The following PPP2R5B variants were observed in gnomAD, a reference collection of about 807,000 sequenced individuals.
PPP2R5B encodes protein phosphatase 2 regulatory subunit B'beta, also known as serine/threonine-protein phosphatase 2A 56 kDa regulatory subunit beta isoform.
PPP2R5B carries 19 observed loss-of-function variants against 59.9 expected under a neutral mutation model. The observed-to-expected ratio is 0.32, with a 90% CI of 0.22 to 0.47. The LOEUF (loss-of-function observed/expected upper bound fraction) is 0.47, where lower values mean the gene tolerates loss of function less well. Ranked by LOEUF, PPP2R5B falls within the 20% of genes least tolerant of loss-of-function variation. The pLI, the probability that PPP2R5B is intolerant of heterozygous loss-of-function variation, is 1.00. For missense variants in PPP2R5B, 441 were observed against 640.2 expected (o/e 0.69, Z 3.36); for synonymous variants, 286 against 260.5 (o/e 1.10, Z -0.94).
chr11:64,933,017 G>T, intron 12 of PPP2R5B, 125 bp downstream of exon 12: 1 of 1,513,864 alleles, frequency 6.6e-7, no homozygotes, highest in Non-Finnish European at 9.1e-7. Flanking sequence ...GCCCAGGGGT[G>T]GTGAAAAGGA....
chr11:64,933,269 G>A (rs756592350), intron 13 of PPP2R5B, 23 bp downstream of exon 13: 3 of 1,567,562 alleles, frequency 1.9e-6, no homozygotes, highest in African/African-American at 1.4e-5. Flanking sequence ...GGCTGGGCGT[G>A]GGGGAAGGGA....
At position 64,928,417 on chromosome 11, in the gene PPP2R5B, C is replaced by A; in HGVS notation, c.714C>A (p.Ile238=). The A allele has an allele frequency of 6.2e-7, 1 of 1,614,176 alleles. No individual in the cohort carries two copies. The highest frequency in any genetic ancestry group is 8.5e-7 in the Non-Finnish European group (1 of 1,179,994). The change falls in exon 6 of 14, where the codon ATC becomes ATA. Residue 238 remains isoleucine, a synonymous_variant. Transcript: ENST00000164133. ...ACATCCGCAAACAGTGCAACCACAT[C>A]TTCCTCCGGTGAGTGGCTGCTGCCT... is the stretch of plus-strand genomic sequence containing the variant. ...RAYIRKQCNH[I]FLRFIYEFEH...
At chr11:64,932,573 G>A (rs1031328886) in intron 11 of PPP2R5B, among the ~76,000 whole-genome samples, 192 bp from the exon 12 acceptor site, 3 of 152,160 alleles carry the variant, frequency 2.0e-5, no homozygotes, top group East Asian at 1.9e-4. Context: ...GATTCACCCC[G>A]CAGCATTGGA....
upstream of PPP2R5B, among the ~76,000 whole-genome samples, chr11:64,924,017 C>T (rs1945132662): frequency 6.6e-6 from 1 of 152,154 alleles, no homozygotes; most frequent in Non-Finnish European, 1.5e-5. Context: ...AAGGTCCATC[C>T]GGGAAGGCCA....
At chr11:64,930,423 A>G in intron 7 of PPP2R5B, 42 bp downstream of exon 7, 1 of 1,613,662 alleles carries the variant, frequency 6.2e-7, no homozygotes, top group Non-Finnish European at 8.5e-7. Context: ...GGATTCTGGA[A>G]GGAGGGACTG....
At chr11:64,933,342 G>C (rs1945249565) in intron 13 of PPP2R5B, 96 bp downstream of exon 13, 1 of 1,058,734 alleles carries the variant, frequency 9.4e-7, no homozygotes, top group Non-Finnish European at 1.4e-6. Context: ...CCCAAACTCT[G>C]TCTGATCAGA....
chr11:64,928,974 A>G (rs1230325136), intron 6 of PPP2R5B, among the ~76,000 whole-genome samples: 2 of 152,092 alleles, frequency 1.3e-5, no homozygotes, highest in East Asian at 3.9e-4. Context: ...TCAAAAAAAA[A>G]AAGAAAAGAA....
chr11:64,928,299 T>A lies in PPP2R5B; in HGVS notation c.596T>A (p.Leu199Gln). The change falls in exon 6 of 14, where the codon CTG becomes CAG. Residue 199 changes from leucine (L) to glutamine (Q), a missense_variant. Transcript: ENST00000164133. ...YVDQKFVLMLLELFDSEDPRE... is the reference protein window; with the variant it reads ...YVDQKFVLMLQELFDSEDPRE... ...CCCTGACTCTGGTTCCCACAGCTCCTGGAGCTATTTGATAGTGAGGATCCC... is the reference window on the plus strand; with the variant it reads ...CCCTGACTCTGGTTCCCACAGCTCCAGGAGCTATTTGATAGTGAGGATCCC... 1 of 1,613,824 alleles carries A rather than the reference T, an allele frequency of 6.2e-7. No individual in the cohort carries two copies. The highest frequency in any genetic ancestry group is 8.5e-7 in the Non-Finnish European group (1 of 1,179,834).
intron 2 of PPP2R5B, 93 bp from the exon 3 acceptor site, chr11:64,926,619 G>A (rs1455068491): frequency 4.3e-6 from 6 of 1,385,444 alleles, no homozygotes; most frequent in Non-Finnish European, 6.0e-6. Context: ...GGGCAGCAGA[G>A]GCAGCCGTGG....
chr11:64,933,821 G>A lies in PPP2R5B; in HGVS notation c.1471G>A (p.Ala491Thr). ...CCTCCAGCGGCTTACACCCCAGGTG[G>A]CCGCCAGTGGGGGTCAGAGCTAGAC... ...APLQRLTPQV[A>T]ASGGQS is the part of the protein sequence containing the mutation. The change falls in exon 14 of 14, where the codon GCC (alanine) becomes ACC (threonine). Residue 491 changes from alanine (A) to threonine (T), a missense_variant. Physicochemically the swap from Ala to Thr is moderately conservative, Grantham distance 58. Coordinates refer to ENST00000164133, the MANE Select transcript of PPP2R5B (RefSeq NM_006244.4). The A allele has an allele frequency of 6.5e-7, 1 of 1,548,104 alleles. No homozygotes were observed. Among genetic ancestry groups the A allele is most frequent in the Non-Finnish European group, 8.7e-7 (1 of 1,146,404 alleles).
intron 1 of PPP2R5B, among the ~76,000 whole-genome samples, chr11:64,918,570 A>C (rs1401908011): frequency 6.6e-6 from 1 of 152,136 alleles, no homozygotes; most frequent in Non-Finnish European, 1.5e-5. Context: ...ACCTTAGGTG[A>C]TCAGCCTGCC....
chr11:64,931,547 C>CATCTCCCACAGGTG lies in PPP2R5B; in HGVS notation c.946-8_951dup. 6.2e-7 allele frequency: 1 copy of CATCTCCCACAGGTG among 1,614,124 alleles called. No homozygotes were observed. Among genetic ancestry groups the CATCTCCCACAGGTG allele is most frequent in the Non-Finnish European group, 8.5e-7 (1 of 1,180,002 alleles). On this transcript the variant is annotated splice_polypyrimidine_tract_variant and intron_variant, in intron 9 of 13. Coordinates refer to ENST00000164133, the MANE Select transcript of PPP2R5B (RefSeq NM_006244.4). This position sits in a 1 kb window ranked among gnomAD's most constrained non-coding sequence, Gnocchi z 5.0. ...ACCTCTGCAGGCGTGACTCCTGTCTCATCTCCCACAGGTGATCCGGGGGCT... is the reference window on the plus strand; with the variant it reads ...ACCTCTGCAGGCGTGACTCCTGTCTCATCTCCCACAGGTGATCTCCCACAGGTGATCCGGGGGCT...
chr11:64,925,717 C>G lies in PPP2R5B; in HGVS notation c.-18C>G. On this transcript the variant is annotated 5_prime_UTR_variant, in exon 2 of 14. Coordinates refer to ENST00000164133, the MANE Select transcript of PPP2R5B (RefSeq NM_006244.4). This position sits in a 1 kb window ranked among gnomAD's most constrained non-coding sequence, Gnocchi z 4.6. Reference sequence around the variant, plus strand: ...GAACCCCCGGGGCTCTGAAAGCTTGCCCTGCCGCCTGACCGCCATGGAGAC... The same window carrying G: ...GAACCCCCGGGGCTCTGAAAGCTTGGCCTGCCGCCTGACCGCCATGGAGAC... The G allele has an allele frequency of 6.5e-7, 1 of 1,548,910 alleles. No homozygotes were observed. The highest frequency in any genetic ancestry group is 8.8e-7 in the Non-Finnish European group (1 of 1,134,956).
In PPP2R5B at chr11:64,933,936, C is replaced by T; in HGVS notation, c.*92C>T. ...GGGGCCCAGAGAGAAACACACCTAC[C>T]CCTGGCCTTGCCAGAGTGGCTTCTG... On this transcript the variant is annotated 3_prime_UTR_variant, in exon 14 of 14. Transcript: ENST00000164133. 2.2e-6 allele frequency: 3 copies of T among 1,378,976 alleles called. No individual in the cohort carries two copies. Among genetic ancestry groups the T allele is most frequent in the Non-Finnish European group, 2.8e-6 (3 of 1,054,512 alleles). The allele number at this position is 1,378,976 out of a possible 1,614,324, so 85.4% of individuals were successfully genotyped here.
upstream of PPP2R5B, among the ~76,000 whole-genome samples, chr11:64,920,396 CAGA>C (rs1328577952): frequency 2.0e-5 from 3 of 152,126 alleles, no homozygotes; most frequent in South Asian, 2.1e-4. Context: ...TGTACCACAG[CAGA>C]AGATTAGACA....
In PPP2R5B at chr11:64,933,830, G is replaced by T; in HGVS notation, c.1480G>T (p.Gly494Trp). 3 of 1,547,312 alleles carry T rather than the reference G, an allele frequency of 1.9e-6. No individual in the cohort carries two copies. The highest frequency in any genetic ancestry group is 2.6e-6 in the Non-Finnish European group (3 of 1,145,902). ...GCTTACACCCCAGGTGGCCGCCAGT[G>T]GGGGTCAGAGCTAGACAGCACCTCA... Reference protein sequence around the residue: ...QRLTPQVAASGGQS With the variant: ...QRLTPQVAASWGQS The change falls in exon 14 of 14, where the codon GGG becomes TGG. Residue 494 changes from glycine to tryptophan, a missense_variant. By Grantham distance (184) the Gly-to-Trp change is radical (BLOSUM62 -2). Around this residue, in one of 3 missense-constraint regions of PPP2R5B, gnomAD observed 70 missense variants for 64.2 expected, o/e 1.09. Coordinates refer to ENST00000164133, the MANE Select transcript of PPP2R5B (RefSeq NM_006244.4).
At chr11:64,921,882 C>T (rs1945112722), upstream of PPP2R5B, among the ~76,000 whole-genome samples, 3 of 152,166 alleles carry the variant, frequency 2.0e-5, no homozygotes, top group Admixed American at 6.5e-5. Flanking sequence ...GAACATACAT[C>T]TTTCGTTGCA....
At position 64,933,777 on chromosome 11, in the gene PPP2R5B, A is replaced by C; in HGVS notation, c.1427A>C (p.Gln476Pro). The change falls in exon 14 of 14, where the codon CAG (glutamine) becomes CCG (proline). Residue 476 changes from glutamine to proline, a missense_variant. By Grantham distance (76) the Gln-to-Pro change is moderately conservative (BLOSUM62 -1). Transcript: ENST00000164133. The stretch of plus-strand genomic sequence containing the variant: ...CGGCTACGCCGGCTACAGGGGACCC[A>C]GGGGGCCAAGGAGGCCCCCCTCCAG... ...ELRLRRLQGT[Q>P]GAKEAPLQRL... 6.4e-7 allele frequency: 1 copy of C among 1,554,316 alleles called. No individual in the cohort carries two copies. The highest frequency in any genetic ancestry group is 1.2e-5 in the South Asian group (1 of 84,266).
chr11:64,931,515 G>T lies in PPP2R5B; in HGVS notation c.945+26G>T, dbSNP rs1325087064. 1.2e-6 allele frequency: 2 copies of T among 1,614,050 alleles called. No homozygotes were observed. The highest frequency in any genetic ancestry group is 1.7e-6 in the Non-Finnish European group (2 of 1,179,984). ...GTGAGTACCTCTGGGGGCTAAGGCAGCCTCTCACCTCTGCAGGCGTGACTC... is the reference window on the plus strand; with the variant it reads ...GTGAGTACCTCTGGGGGCTAAGGCATCCTCTCACCTCTGCAGGCGTGACTC... On this transcript the variant is annotated intron_variant, in intron 9 of 13. Transcript: ENST00000164133. The surrounding 1 kb of genome is among the most constrained non-coding windows in gnomAD (Gnocchi z 5.0).
Sources: gnomAD v4.1 joint callset for allele counts (sites outside exome capture counted in the v4.1 genomes callset) on GRCh38, gnomAD v4.1.1 for gene constraint, gnomAD v4.1.1 regional missense constraint, Gnocchi (gnomAD v3.1) non-coding constraint, MANE v1.5 for transcripts, NCBI Gene and HGNC (gene_info 2026-07-23, HGNC 2026-07-21) for gene names.